The following MAPK12 variants were observed in gnomAD, a reference collection of about 807,000 sequenced individuals.
The protein encoded by MAPK12 is MAP kinase 12.
In MAPK12, 49 loss-of-function variants were observed where a neutral mutation model predicts 49.1. The observed-to-expected ratio is 1.00, with a 90% CI of 0.79 to 1.27. MAPK12 has a LOEUF of 1.27. Among genes scored for constraint, MAPK12 ranks in the 50% most tolerant of loss-of-function variants. MAPK12 has a pLI of 0.00. For synonymous variants in MAPK12, 251 were observed against 209.7 expected (o/e 1.20, Z -1.70); for missense variants, 554 against 502.4 (o/e 1.10, Z -0.98).
Position 50,255,437 on chromosome 22 carries a change from C to A in MAPK12, c.850+16G>T. On this transcript the variant is annotated intron_variant, in intron 10 of 11. Coordinates refer to ENST00000215659, the MANE Select transcript of MAPK12 (RefSeq NM_002969.6). ...ACACTCCAGCACCCGGTGGCCCCCA[C>A]ACTAGCCAGCCGTACCCAGAGGGCT... 3 of 1,612,938 alleles carry A rather than the reference C, an allele frequency of 1.9e-6. No homozygotes were observed. The highest frequency in any genetic ancestry group is 2.5e-6 in the Non-Finnish European group (3 of 1,180,008).
intron 11 of MAPK12, chr22:50,253,850 G>A (rs2065122610): frequency 3.7e-6 from 1 of 271,764 alleles, no homozygotes; most frequent in Non-Finnish European, 7.2e-6. Flanking sequence ...ACACGAATAT[G>A]CACACAGCGA....
chr22:50,255,771 C>T, intron 8 of MAPK12, 39 bp downstream of exon 8: 10 of 1,611,104 alleles, frequency 6.2e-6, no homozygotes, highest in Non-Finnish European at 8.5e-6. Context: ...AGGAGCCATC[C>T]CCACCCGCCC....
intron 3 of MAPK12, chr22:50,257,749 G>A (rs1279269113): frequency 2.0e-5 from 13 of 659,336 alleles, no homozygotes; most frequent in Middle Eastern, 4.0e-4. Context: ...GGCGGGAGGC[G>A]CCTGCTACCC....
intron 2 of MAPK12, 76 bp from the exon 3 acceptor site, chr22:50,258,377 CTGGGCAGGAAA>C: frequency 7.8e-7 from 1 of 1,276,404 alleles, no homozygotes; most frequent in African/African-American, 1.5e-5. Flanking sequence ...GCACAACCCT[CTGGGCAGGAAA>C]CCCCCTCTGC....
At chr22:50,253,502 G>GGGCCCCCCCCCCCC in intron 11 of MAPK12, 22 bp from the exon 12 acceptor site, 3 of 171,658 alleles carry the variant, frequency 1.7e-5, no homozygotes, top group African/African-American at 6.7e-5. Context: ...GGGGGGGCGG[G>GGGCCCCCCCCCCCC]CACAACAGAG....
intron 11 of MAPK12, 125 bp downstream of exon 11, chr22:50,255,072 G>A (rs76251763): frequency 5.5e-5 from 83 of 1,517,392 alleles, no homozygotes; most frequent in Non-Finnish European, 6.2e-5. Flanking sequence ...GGCCCTACCC[G>A]GAGCCCCCAA....
chr22:50,257,393 G>A (rs1244747690), intron 3 of MAPK12, among the ~76,000 whole-genome samples, 200 bp from the exon 4 acceptor site: 1 of 152,178 alleles, frequency 6.6e-6, no homozygotes, highest in African/African-American at 2.4e-5. Context: ...TCCCGCAACT[G>A]TTACTGCCAG....
intron 2 of MAPK12, among the ~76,000 whole-genome samples, chr22:50,260,020 G>A (rs1222851132): frequency 1.4e-5 from 2 of 144,674 alleles, no homozygotes; most frequent in Non-Finnish European, 3.1e-5. Context: ...TGTGATGGGC[G>A]GGTGGTGGGG....
intron 3 of MAPK12, chr22:50,257,685 G>A (rs2065164500): frequency 1.7e-6 from 1 of 600,552 alleles, no homozygotes; most frequent in East Asian, 2.8e-5. Flanking sequence ...ACAGACACAG[G>A]AGAATGGTAT....
At chr22:50,253,787 G>A (rs2065122252) in intron 11 of MAPK12, 1 of 451,914 alleles carries the variant, frequency 2.2e-6, no homozygotes, top group Admixed American at 3.9e-5. Context: ...TGGCTTTCAA[G>A]TTATCTTTCT....
At position 50,255,884 on chromosome 22, in the gene MAPK12, G is replaced by A. The variant is rs2065145163; in HGVS notation, c.620-3C>T. ...GCAGCCCACAGACCAGATGTCCACT[G>A]AGATAGAAGCCCTGGTCAGCTCCGT... On this transcript the variant is annotated splice_polypyrimidine_tract_variant and splice_region_variant and intron_variant, in intron 7 of 11. Transcript: ENST00000215659. 1.9e-6 allele frequency: 3 copies of A among 1,612,302 alleles called. No homozygotes were observed. Among genetic ancestry groups the A allele is most frequent in the South Asian group, 2.2e-5 (2 of 91,028 alleles).
At chr22:50,253,779 G>A (rs988462581) in intron 11 of MAPK12, 9 of 472,844 alleles carry the variant, frequency 1.9e-5, no homozygotes, top group African/African-American at 7.8e-5. Flanking sequence ...ATGGCCCATG[G>A]CTTTCAAGTT....
rs1332261823 is a variant in MAPK12 at position 50,253,093 on chromosome 22, G to C, written c.*308C>G. ...GAGCAGGCAGGGCTCAGAGGCCAAG[G>C]CCTGATCTGGAGCCCCACCAGCTCT... On this transcript the variant is annotated 3_prime_UTR_variant, in exon 12 of 12. Coordinates refer to ENST00000215659, the MANE Select transcript of MAPK12 (RefSeq NM_002969.6). The C allele has an allele frequency of 2.3e-6, 1 of 438,170 alleles. No individual in the cohort carries two copies. The highest frequency in any genetic ancestry group is 2.0e-5 in the African/African-American group (1 of 49,716). The allele number at this position is 438,170 out of a possible 1,614,324, so 27.1% of individuals were successfully genotyped here. A position where few individuals can be genotyped will look rare whatever the true frequency, so the allele number is the denominator to read the frequency against.
At position 50,255,439 on chromosome 22, in the gene MAPK12, C is replaced by A; in HGVS notation, c.850+14G>T. 6.2e-7 allele frequency: 1 copy of A among 1,612,936 alleles called. No homozygotes were observed. The highest frequency in any genetic ancestry group is 8.5e-7 in the Non-Finnish European group (1 of 1,180,002). ...ACTCCAGCACCCGGTGGCCCCCACA[C>A]TAGCCAGCCGTACCCAGAGGGCTTG... On this transcript the variant is annotated intron_variant, in intron 10 of 11. Transcript: ENST00000215659.
chr22:50,256,252 G>T, intron 6 of MAPK12, 53 bp from the exon 7 acceptor site: 1 of 1,387,358 alleles, frequency 7.2e-7, no homozygotes. Flanking sequence ...GGAGCGGACA[G>T]GCCACCCACG....
At chr22:50,258,850 C>T (rs2065179741) in intron 2 of MAPK12, among the ~76,000 whole-genome samples, 1 of 152,240 alleles carries the variant, frequency 6.6e-6, no homozygotes, top group African/African-American at 2.4e-5. Context: ...GAGTTTTGCA[C>T]AGCCAAGGGT....
At chr22:50,258,613 G>A (rs776791294) in intron 2 of MAPK12, among the ~76,000 whole-genome samples, 2 of 152,230 alleles carry the variant, frequency 1.3e-5, no homozygotes, top group Non-Finnish European at 2.9e-5. Context: ...GGCTCCTGCC[G>A]CCTGACCCTT....
intron 2 of MAPK12, 23 bp downstream of exon 2, chr22:50,261,144 C>G: frequency 1.3e-6 from 2 of 1,560,628 alleles, no homozygotes; most frequent in Non-Finnish European, 8.7e-7. Flanking sequence ...GGCGCCTTCC[C>G]GGAGCGGGGC....
In MAPK12 at chr22:50,261,438, G is replaced by C; in HGVS notation, c.72C>G (p.Arg24=). 7.8e-7 allele frequency: 1 copy of C among 1,275,188 alleles called. No homozygotes were observed. The allele number at this position is 1,275,188 out of a possible 1,614,324, so 79.0% of individuals were successfully genotyped here. A position where few individuals can be genotyped will look rare whatever the true frequency, so the allele number is the denominator to read the frequency against. Residue 24 remains arginine, a synonymous_variant, in exon 1 of 12, where the codon CGC becomes CGG. Coordinates refer to ENST00000215659, the MANE Select transcript of MAPK12 (RefSeq NM_002969.6). Reference sequence around the variant, plus strand: ...CGGGCTGCAGGTCCCGGTACACGGCGCGCACCTCCCAGGCCGTCTTGGTCA... The same window carrying C: ...CGGGCTGCAGGTCCCGGTACACGGCCCGCACCTCCCAGGCCGTCTTGGTCA... ...QEVTKTAWEV[R]AVYRDLQPVG... is the part of the protein sequence containing the mutation.
Sources: gnomAD v4.1 joint callset for allele counts (sites outside exome capture counted in the v4.1 genomes callset) on GRCh38, gnomAD v4.1.1 for gene constraint, MANE v1.5 for transcripts, NCBI Gene and HGNC (gene_info 2026-07-23, HGNC 2026-07-21) for gene names.